The following LRRC7 variants were observed in gnomAD, a reference collection of about 807,000 sequenced individuals.
The protein encoded by LRRC7 is leucine-rich repeat-containing protein 7.
In LRRC7, 23 loss-of-function variants were observed where a neutral mutation model predicts 175.7. That is an observed-to-expected ratio of 0.13 (90% CI 0.09 to 0.19). The LOEUF is 0.19. Among genes scored for constraint, LRRC7 ranks in the 10% least tolerant of loss-of-function variants. LRRC7 has a pLI of 1.00. For missense variants in LRRC7, 1,354 were observed against 1,904.7 expected, an observed-to-expected ratio of 0.71 and a Z score of 5.38; for synonymous variants, 685 against 680.9, an observed-to-expected ratio of 1.01 and a Z score of -0.09.
intron 22 of LRRC7, among the ~76,000 whole-genome samples, chr1:70,049,000 T>C (rs909340532): frequency 3.9e-5 from 6 of 152,136 alleles, no homozygotes; most frequent in African/African-American, 9.7e-5. Context: ...AATGGATAAA[T>C]TGATAATTTT....
At chr1:69,589,913 G>A (rs942223516) in intron 1 of LRRC7, among the ~76,000 whole-genome samples, 9 of 148,344 alleles carry the variant, frequency 6.1e-5, no homozygotes, top group Non-Finnish European at 6.0e-5. Flanking sequence ...AAATCTCTCA[G>A]CAAGTGTTTG....
At chr1:70,117,058 A>G (rs539497229) in intron 26 of LRRC7, among the ~76,000 whole-genome samples, 3 of 152,216 alleles carry the variant, frequency 2.0e-5, no homozygotes, top group East Asian at 1.9e-4. Flanking sequence ...TTTCTCTAAC[A>G]TACAAAATTT....
chr1:69,980,824 C>G (rs1248002124), intron 9 of LRRC7, among the ~76,000 whole-genome samples: 1 of 152,052 alleles, frequency 6.6e-6, no homozygotes, highest in East Asian at 1.9e-4. Flanking sequence ...TTACAGGTAA[C>G]TAGACAATGG....
chr1:69,603,974 G>A (rs57635205), intron 1 of LRRC7, among the ~76,000 whole-genome samples: 5 of 151,956 alleles, frequency 3.3e-5, no homozygotes, highest in African/African-American at 1.2e-4. Flanking sequence ...TAAAAAATAA[G>A]TGAATAATTC....
chr1:69,697,899 C>A (rs1281245802), intron 2 of LRRC7, among the ~76,000 whole-genome samples: 1 of 152,218 alleles, frequency 6.6e-6, no homozygotes, highest in Non-Finnish European at 1.5e-5. Flanking sequence ...GGGCTTACTG[C>A]TGTACAACTG....
intron 7 of LRRC7, chr1:69,874,098 T>C (rs1685820615): frequency 6.6e-6 from 1 of 152,142 alleles, no homozygotes; most frequent in African/African-American, 2.4e-5. Context: ...AAATATGAAA[T>C]GCTGATGATT....
chr1:69,701,123 T>C (rs1321599237), intron 2 of LRRC7, among the ~76,000 whole-genome samples: 1 of 152,216 alleles, frequency 6.6e-6, no homozygotes, highest in African/African-American at 2.4e-5. Flanking sequence ...CTTAAAATTA[T>C]GGATGAAAGG....
chr1:69,618,261 C>T (rs1034840264), intron 1 of LRRC7, among the ~76,000 whole-genome samples: 4 of 152,066 alleles, frequency 2.6e-5, no homozygotes, highest in Admixed American at 6.5e-5. Context: ...ATTCATAGCC[C>T]GCATCTGGCT....
chr1:70,109,267 C>A (rs950076690), intron 26 of LRRC7, among the ~76,000 whole-genome samples: 11 of 152,130 alleles, frequency 7.2e-5, no homozygotes, highest in African/African-American at 2.7e-4. Context: ...GGTGGTCTGC[C>A]CGCCTTGGCC....
intron 1 of LRRC7, among the ~76,000 whole-genome samples, chr1:69,650,934 G>C (rs549019635): frequency 1.3e-5 from 2 of 152,276 alleles, no homozygotes; most frequent in East Asian, 3.9e-4. Context: ...TGATATAAAT[G>C]CTATCCTCAC....
At chr1:69,953,334 A>G (rs1557926271) in intron 8 of LRRC7, among the ~76,000 whole-genome samples, 2 of 152,050 alleles carry the variant, frequency 1.3e-5, no homozygotes, top group Admixed American at 6.6e-5. Context: ...AACAACTCAA[A>G]TACAGCACTT....
At chr1:69,685,470 TA>T (rs1274302905) in intron 2 of LRRC7, among the ~76,000 whole-genome samples, 3 of 152,064 alleles carry the variant, frequency 2.0e-5, no homozygotes, top group Admixed American at 2.0e-4. Context: ...AGGAGACAAT[TA>T]TATAATCTCT....
intron 1 of LRRC7, among the ~76,000 whole-genome samples, chr1:69,622,763 A>T (rs1427658643): frequency 6.6e-6 from 1 of 152,170 alleles, no homozygotes; most frequent in Non-Finnish European, 1.5e-5. Context: ...GAGAGGAGAG[A>T]TCTTAGGAAT....
At chr1:69,609,715 A>G (rs1648393260) in intron 1 of LRRC7, among the ~76,000 whole-genome samples, 1 of 152,042 alleles carries the variant, frequency 6.6e-6, no homozygotes, top group African/African-American at 2.4e-5. Flanking sequence ...CTAAGTTACA[A>G]TTTTTAATGA....
chr1:69,950,889 T>A (rs1288794168), intron 8 of LRRC7, among the ~76,000 whole-genome samples: 2 of 151,902 alleles, frequency 1.3e-5, no homozygotes, highest in African/African-American at 2.4e-5. Flanking sequence ...AGAATTGAAA[T>A]AAGAATATAG....
At chr1:69,801,246 A>C (rs1331798352) in intron 4 of LRRC7, among the ~76,000 whole-genome samples, 1 of 151,646 alleles carries the variant, frequency 6.6e-6, no homozygotes, top group Non-Finnish European at 1.5e-5. Context: ...AATTATGGAG[A>C]ATTCCTTCCT....
intron 8 of LRRC7, among the ~76,000 whole-genome samples, chr1:69,944,911 C>T (rs565544326): frequency 1.4e-4 from 21 of 151,656 alleles, no homozygotes; most frequent in Non-Finnish European, 1.3e-4. Flanking sequence ...GATATTGATC[C>T]CTTATCAGAT....
rs556410258 is a variant in LRRC7 at position 69,652,810 on chromosome 1, G to C, written c.3-25571G>C. Among the ~76,000 whole-genome samples the C allele has an allele frequency of 7.2e-5, 11 of 152,022 alleles. No individual in the cohort carries two copies. The South Asian group carries it at 2.3e-3, about 32-fold the overall frequency. ...AAGACATATAGACCAATGGAACAAA[G>C]AGAGCTGAGAAATAAACTCACTCAT... On this transcript the variant is annotated intron_variant, in intron 1 of 26. Coordinates refer to ENST00000651989, the MANE Select transcript of LRRC7 (RefSeq NM_001370785.2).
At chr1:70,037,887 T>C (rs1438722642) in intron 20 of LRRC7, among the ~76,000 whole-genome samples, 2 of 152,104 alleles carry the variant, frequency 1.3e-5, no homozygotes, top group African/African-American at 4.8e-5. Flanking sequence ...ATAAGTAAAT[T>C]ATATAGTATA....
Sources: gnomAD v4.1 joint callset for allele counts (sites outside exome capture counted in the v4.1 genomes callset) on GRCh38, gnomAD v4.1.1 for gene constraint, MANE v1.5 for transcripts, NCBI Gene and HGNC (gene_info 2026-07-23, HGNC 2026-07-21) for gene names.